Variants in COL6A6 observed in about 807,000 individuals in gnomAD.
The protein encoded by COL6A6 is collagen type VI alpha 6 chain, also known as collagen alpha-6(VI) chain.
Under a neutral mutation model 208.6 loss-of-function variants are expected in COL6A6, and 183 were observed. The observed-to-expected ratio is 0.88, with a 90% CI of 0.78 to 0.99. The LOEUF (loss-of-function observed/expected upper bound fraction) is 0.99. Among genes scored for constraint, COL6A6 ranks in the 50% least tolerant of loss-of-function variants. COL6A6 has a pLI of 0.00. For synonymous variants in COL6A6, 973 were observed against 1,011.8 expected (o/e 0.96, Z 0.73); for missense variants, 2,816 against 2,815.2 (o/e 1.00, Z -0.01).
In COL6A6 at chr3:130,593,263, G is replaced by GA. The variant is rs745772462; in HGVS notation, c.4470+15dup. The GA allele has an allele frequency of 6.2e-7, 1 of 1,603,492 alleles. No individual in the cohort carries two copies. The highest frequency in any genetic ancestry group is 1.1e-5 in the South Asian group (1 of 90,842). On this transcript the variant is annotated intron_variant, in intron 17 of 36. Coordinates refer to ENST00000358511, the MANE Select transcript of COL6A6 (RefSeq NM_001102608.3). ...GATGAGGGATCTCAGGTAGGGATTT[G>GA]AAAAGGAAGAACATAAAAATTGTAC...
Position 130,546,536 on chromosome 3 carries a change from G to A in COL6A6, c.-31-13798G>A, listed in dbSNP as rs145360062. 2.0e-3 allele frequency among the ~76,000 whole-genome samples: 301 copies of A among 152,292 alleles called. 1 individual carries two copies. The highest frequency in any genetic ancestry group is 7.0e-3 in the African/African-American group (290 of 41,558). ...ACCTTTGCTGGCTCAGGCAGCCTGC[G>A]TTTATTCCCTTATCTGACCCCACCC... On this transcript the variant is annotated intron_variant, in intron 1 of 36. Coordinates refer to ENST00000358511, the MANE Select transcript of COL6A6 (RefSeq NM_001102608.3).
chr3:130,568,560 G>T lies in COL6A6; in HGVS notation c.2357G>T (p.Arg786Leu), dbSNP rs765701051. The change falls in exon 6 of 37, where the codon CGC becomes CTC. Residue 786 changes from arginine (R) to leucine (L), a missense_variant. By Grantham distance (102) the Arg-to-Leu change is moderately radical. Coordinates refer to ENST00000358511, the MANE Select transcript of COL6A6 (RefSeq NM_001102608.3). The stretch of plus-strand genomic sequence containing the variant: ...GTTGAGAATTTTGACATTCTGCAGC[G>T]CATTGAAGATGATCTTGTTTTTGGA... ...FYVENFDILQ[R>L]IEDDLVFGIC... The T allele has an allele frequency of 3.1e-6, 5 of 1,607,024 alleles. No individual in the cohort carries two copies. Among genetic ancestry groups the T allele is most frequent in the Non-Finnish European group, 4.2e-6 (5 of 1,179,728 alleles).
At chr3:130,581,368 A>G (rs2063415982) in intron 8 of COL6A6, among the ~76,000 whole-genome samples, 193 bp from the exon 9 acceptor site, 1 of 152,206 alleles carries the variant, frequency 6.6e-6, no homozygotes, top group South Asian at 2.1e-4. Context: ...AAAAAATAAT[A>G]ATGAACCCTT....
At position 130,675,308 on chromosome 3, in the gene COL6A6, G is replaced by T; in HGVS notation, c.6703G>T (p.Asp2235Tyr). Reference protein sequence around the residue: ...YLSRVARSGRDDAIQNFMRST... With the variant: ...YLSRVARSGRYDAIQNFMRST... The stretch of plus-strand genomic sequence containing the variant: ...TTCAAGAGTAGCAAGAAGTGGCAGA[G>T]ATGATGCTATTCAAAATTTTATGAG... The change falls in exon 37 of 37, where the codon GAT becomes TAT. Residue 2235 changes from aspartate to tyrosine, a missense_variant. Asp to Tyr is a radical substitution (Grantham distance 160). Coordinates refer to ENST00000358511, the MANE Select transcript of COL6A6 (RefSeq NM_001102608.3). The T allele has an allele frequency of 1.3e-6, 2 of 1,596,438 alleles. No individual in the cohort carries two copies. The highest frequency in any genetic ancestry group is 2.3e-5 in the South Asian group (2 of 87,864).
chr3:130,648,566 C>G (rs1462076817), intron 32 of COL6A6, among the ~76,000 whole-genome samples: 1 of 152,190 alleles, frequency 6.6e-6, no homozygotes, highest in African/African-American at 2.4e-5. Flanking sequence ...CCTGTATTGC[C>G]TACTCTCTTT....
chr3:130,661,981 G>A lies in COL6A6; in HGVS notation c.6175G>A (p.Ala2059Thr), dbSNP rs754549192. The part of the protein sequence containing the change: ...HESVKQLNGD[A>T]FIGHALQWTL... ...GTCAGTTAAACAACTAAATGGAGAT[G>A]CTTTTATTGGTCATGCCTTACAGTG... The change falls in exon 35 of 37, where the codon GCT becomes ACT. Residue 2059 changes from alanine to threonine, a missense_variant. Ala to Thr is a moderately conservative substitution (Grantham distance 58). Coordinates refer to ENST00000358511, the MANE Select transcript of COL6A6 (RefSeq NM_001102608.3). 13 of 1,613,992 alleles carry A rather than the reference G, an allele frequency of 8.1e-6. No individual in the cohort carries two copies. The East Asian group carries it at 2.7e-4, about 33-fold the overall frequency.
rs757722848 is a variant in COL6A6, at chr3:130,658,682, G to A, written c.5740G>A (p.Asp1914Asn). 2.5e-6 allele frequency: 4 copies of A among 1,611,260 alleles called. No individual in the cohort carries two copies. The highest frequency in any genetic ancestry group is 1.7e-4 in the Middle Eastern group (1 of 6,060). ...CTGCTTCTGCTTCTTTTAGATTGAC[G>A]ACACTGGCACATTTCAAGTAATAGT... ...PSVRRAFAID[D>N]TGTFQVIVVP... is the part of the protein sequence containing the mutation. The change falls in exon 34 of 37, where the codon GAC (aspartate) becomes AAC (asparagine). Residue 1914 changes from aspartate (D) to asparagine (N), a missense_variant. Physicochemically the swap from Asp to Asn is conservative, Grantham distance 23. Coordinates refer to ENST00000358511, the MANE Select transcript of COL6A6 (RefSeq NM_001102608.3).
intron 1 of COL6A6, among the ~76,000 whole-genome samples, chr3:130,542,190 C>T (rs6768293): frequency 0.79 from 119,398 of 150,206 alleles, 48,090 homozygotes; most frequent in Non-Finnish European, 0.86. Flanking sequence ...TTTTTCTTTG[C>T]TTTGGATTTA....
Position 130,570,990 on chromosome 3 carries a change from G to A in COL6A6, c.2574G>A (p.Glu858=), listed in dbSNP as rs2063149251. Residue 858 remains glutamate (E), a synonymous_variant, in exon 7 of 37, where the codon GAG becomes GAA. Transcript: ENST00000358511. ...FGALKYADDP[E]VLFYLDDFGT... is the part of the protein sequence containing the mutation. Reference sequence around the variant, plus strand: ...CTCTGAAGTATGCTGATGACCCAGAGGTGCTGTTTTATCTGGATGACTTTG... The same window carrying A: ...CTCTGAAGTATGCTGATGACCCAGAAGTGCTGTTTTATCTGGATGACTTTG... The A allele has an allele frequency of 1.9e-6, 3 of 1,613,884 alleles. No individual in the cohort carries two copies. Among genetic ancestry groups the A allele is most frequent in the Non-Finnish European group, 8.5e-7 (1 of 1,179,896 alleles).
At chr3:130,537,265 A>T (rs899473702) in intron 1 of COL6A6, among the ~76,000 whole-genome samples, 1 of 152,208 alleles carries the variant, frequency 6.6e-6, no homozygotes, top group African/African-American at 2.4e-5. Context: ...TCAGCAAGCT[A>T]CTTAACCCTC....
chr3:130,603,241 G>A (rs1342181965), intron 20 of COL6A6, among the ~76,000 whole-genome samples: 1 of 152,158 alleles, frequency 6.6e-6, no homozygotes, highest in Non-Finnish European at 1.5e-5. Context: ...TTGGCATTTG[G>A]GTTAAACAAT....
rs12489226 is a variant in COL6A6 at position 130,641,182 on chromosome 3, G to A, written c.5092-470G>A. 2.3e-4 allele frequency among the ~76,000 whole-genome samples: 35 copies of A among 151,226 alleles called. No homozygotes were observed. In the East Asian group the frequency reaches 6.2e-3, roughly 27 times the overall value. Reference sequence around the variant, plus strand: ...GTCCTATTACCTGTTGCCTATTGCAGCAACAAACAGTAAGGGACTAACTAA... The same window carrying A: ...GTCCTATTACCTGTTGCCTATTGCAACAACAAACAGTAAGGGACTAACTAA... On this transcript the variant is annotated intron_variant, in intron 28 of 36. Transcript: ENST00000358511.
Position 130,662,258 on chromosome 3 carries a change from A to G in COL6A6, c.6452A>G (p.Asp2151Gly), listed in dbSNP as rs756577165. 1.2e-6 allele frequency: 2 copies of G among 1,613,978 alleles called. No individual in the cohort carries two copies. The highest frequency in any genetic ancestry group is 1.7e-6 in the Non-Finnish European group (2 of 1,179,880). Reference sequence around the variant, plus strand: ...CAGCTTGGCCGAATTCATAAACCTGACCACAGTTATGGTGTGAAGTTTGTG... The same window carrying G: ...CAGCTTGGCCGAATTCATAAACCTGGCCACAGTTATGGTGTGAAGTTTGTG... Reference protein sequence around the residue: ...LVQLGRIHKPDHSYGVKFVKS... With the variant: ...LVQLGRIHKPGHSYGVKFVKS... The change falls in exon 35 of 37, where the codon GAC becomes GGC. Residue 2151 changes from aspartate (D) to glycine (G), a missense_variant. By Grantham distance (94) the Asp-to-Gly change is moderately conservative. Coordinates refer to ENST00000358511, the MANE Select transcript of COL6A6 (RefSeq NM_001102608.3).
chr3:130,564,376 G>T (rs545101737), intron 3 of COL6A6, among the ~76,000 whole-genome samples: 34 of 152,328 alleles, frequency 2.2e-4, no homozygotes, highest in South Asian at 8.3e-4. Flanking sequence ...CAAGTGAAGG[G>T]CAGGGGATAG....
At chr3:130,527,409 G>T (rs889016108) in intron 1 of COL6A6, among the ~76,000 whole-genome samples, 1 of 152,150 alleles carries the variant, frequency 6.6e-6, no homozygotes, top group Admixed American at 6.5e-5. Flanking sequence ...AAGAGCAGCT[G>T]GTGTGCTTAA....
intron 1 of COL6A6, among the ~76,000 whole-genome samples, chr3:130,549,926 A>G (rs1399630605): frequency 1.3e-5 from 2 of 152,144 alleles, no homozygotes; most frequent in Non-Finnish European, 2.9e-5. Flanking sequence ...GAAGAATATC[A>G]TTGCTAGTTT....
At chr3:130,658,921 T>A in intron 34 of COL6A6, 149 bp downstream of exon 34, 1 of 617,354 alleles carries the variant, frequency 1.6e-6, no homozygotes. Flanking sequence ...TCACACTTCA[T>A]CTTCCACAGA....
rs76973073 is a variant in COL6A6 at position 130,592,475 on chromosome 3, C to A, written c.4273-66C>A. The A allele has an allele frequency of 1.1e-3, 1,459 of 1,322,260 alleles. 11 individuals carry two copies. In the African/African-American group the frequency reaches 0.019, roughly 18 times the overall value. The allele number at this position is 1,322,260 out of a possible 1,614,324, so 81.9% of individuals were successfully genotyped here. A position where few individuals can be genotyped will look rare whatever the true frequency, so the allele number is the denominator to read the frequency against. Reference sequence around the variant, plus strand: ...CTTTTTTTGGTAACAAAAAACTTGTCAAGTTTTCAAGACAGATCTCAGATT... The same window carrying A: ...CTTTTTTTGGTAACAAAAAACTTGTAAAGTTTTCAAGACAGATCTCAGATT... On this transcript the variant is annotated intron_variant, in intron 13 of 36. Coordinates refer to ENST00000358511, the MANE Select transcript of COL6A6 (RefSeq NM_001102608.3).
intron 1 of COL6A6, among the ~76,000 whole-genome samples, chr3:130,524,730 T>C (rs1021849106): frequency 1.3e-5 from 2 of 152,242 alleles, no homozygotes; most frequent in African/African-American, 4.8e-5. Flanking sequence ...TAGATGTTCC[T>C]ATGTCATCTC....
Sources: gnomAD v4.1 joint callset for allele counts (sites outside exome capture counted in the v4.1 genomes callset) on GRCh38, gnomAD v4.1.1 for gene constraint, MANE v1.5 for transcripts, NCBI Gene and HGNC (gene_info 2026-07-23, HGNC 2026-07-21) for gene names.